ZDHHC14: variants seen among roughly 807,000 people sequenced by gnomAD.
ZDHHC14 encodes zDHHC palmitoyltransferase 14.
Under a neutral mutation model 47.7 loss-of-function variants are expected in ZDHHC14, and 16 were observed. The ratio of observed to expected loss-of-function variants is 0.34; its 90% confidence interval spans 0.23 to 0.51. ZDHHC14 has a LOEUF of 0.51. Among genes scored for constraint, ZDHHC14 ranks in the 20% least tolerant of loss-of-function variants. The pLI, the probability that ZDHHC14 is intolerant of heterozygous loss-of-function variation, is 0.97. For synonymous variants in ZDHHC14, 293 were observed against 278.9 expected, an observed-to-expected ratio of 1.05 and a Z score of -0.50; for missense variants, 515 against 662.5, an observed-to-expected ratio of 0.78 and a Z score of 2.44.
At chr6:157,574,714 C>T (rs1381793907) in intron 2 of ZDHHC14, among the ~76,000 whole-genome samples, 1 of 152,214 alleles carries the variant, frequency 6.6e-6, no homozygotes, top group Non-Finnish European at 1.5e-5. Flanking sequence ...TGGAATGTAT[C>T]TACTTCTCTC....
chr6:157,464,912 C>T (rs891475487), intron 1 of ZDHHC14, among the ~76,000 whole-genome samples: 7 of 152,132 alleles, frequency 4.6e-5, no homozygotes, highest in Non-Finnish European at 8.8e-5. Flanking sequence ...GTGGCTTCGT[C>T]GCAGCAGGGT....
chr6:157,464,853 ATC>A (rs1408048280), intron 1 of ZDHHC14, among the ~76,000 whole-genome samples: 3 of 152,040 alleles, frequency 2.0e-5, no homozygotes, highest in Middle Eastern at 6.8e-3. Flanking sequence ...TCCCTCACAA[ATC>A]TCTCTCGTAC....
chr6:157,439,471 A>G (rs4708804), intron 1 of ZDHHC14, among the ~76,000 whole-genome samples: 108,265 of 152,042 alleles, frequency 0.71, 38,554 homozygotes, highest in Middle Eastern at 0.77. Flanking sequence ...ACCATCTCAC[A>G]CCAGTCAGAA....
chr6:157,639,663 C>A (rs529346677), intron 5 of ZDHHC14, among the ~76,000 whole-genome samples: 1 of 152,210 alleles, frequency 6.6e-6, no homozygotes, highest in African/African-American at 2.4e-5. Context: ...AGAGGAAAGG[C>A]CCCCACGGGG....
chr6:157,669,691 G>A (rs896426772), intron 8 of ZDHHC14, among the ~76,000 whole-genome samples: 2 of 152,266 alleles, frequency 1.3e-5, no homozygotes, highest in African/African-American at 4.8e-5. Flanking sequence ...GAGCCAGGGG[G>A]TATTGTGTGG....
At chr6:157,461,604 C>T (rs1224505951) in intron 1 of ZDHHC14, among the ~76,000 whole-genome samples, 1 of 152,216 alleles carries the variant, frequency 6.6e-6, no homozygotes, top group Non-Finnish European at 1.5e-5. Context: ...ACAGCAGCTA[C>T]ACCTTGGGTT....
intron 3 of ZDHHC14, among the ~76,000 whole-genome samples, chr6:157,625,267 G>A (rs1188556980): frequency 3.3e-5 from 5 of 152,150 alleles, no homozygotes; most frequent in African/African-American, 9.7e-5. Context: ...GAGAAAGGGC[G>A]GGGTCAGGAA....
chr6:157,410,736 C>T (rs377481177), intron 1 of ZDHHC14, among the ~76,000 whole-genome samples: 4 of 152,054 alleles, frequency 2.6e-5, no homozygotes, highest in African/African-American at 7.2e-5. Context: ...CTCACTCTGC[C>T]GCCTGGCTAG....
At position 157,382,203 on chromosome 6, in the gene ZDHHC14, C is replaced by T; in HGVS notation, c.182C>T (p.Thr61Met). 2 of 1,613,666 alleles carry T rather than the reference C, an allele frequency of 1.2e-6. No homozygotes were observed. Among genetic ancestry groups the T allele is most frequent in the South Asian group, 1.1e-5 (1 of 91,068 alleles). Reference protein sequence around the residue: ...CNGRIMMARQTGVFYLTLVLI... With the variant: ...CNGRIMMARQMGVFYLTLVLI... ...GGGAGGATCATGATGGCCCGGCAGA[C>T]GGGCGTCTTCTACCTGACGCTCGTC... The change falls in exon 1 of 9, where the codon ACG becomes ATG. Residue 61 changes from threonine (T) to methionine (M), a missense_variant. Physicochemically the swap from Thr to Met is moderately conservative, Grantham distance 81. Coordinates refer to ENST00000359775, the MANE Select transcript of ZDHHC14 (RefSeq NM_024630.3).
intron 1 of ZDHHC14, among the ~76,000 whole-genome samples, chr6:157,500,427 C>T (rs1583713776): frequency 6.6e-6 from 1 of 152,100 alleles, no homozygotes; most frequent in East Asian, 1.9e-4. Context: ...TAAAAGATTA[C>T]TCTAGCTGCT....
chr6:157,655,401 G>A (rs1778040046), intron 8 of ZDHHC14, among the ~76,000 whole-genome samples: 1 of 152,128 alleles, frequency 6.6e-6, no homozygotes, highest in African/African-American at 2.4e-5. Flanking sequence ...AACTAGCCTG[G>A]CGACTCCAGT....
intron 3 of ZDHHC14, among the ~76,000 whole-genome samples, chr6:157,603,836 C>A (rs9365161): frequency 1.3e-5 from 2 of 151,636 alleles, no homozygotes; most frequent in African/African-American, 4.9e-5. Context: ...ATGCAGTATC[C>A]CTTACAACCT....
chr6:157,660,026 A>G (rs888808215), intron 8 of ZDHHC14, among the ~76,000 whole-genome samples: 5 of 152,100 alleles, frequency 3.3e-5, no homozygotes, highest in South Asian at 4.2e-4. Flanking sequence ...GCTAATATTG[A>G]TACTATCATT....
chr6:157,571,974 G>A (rs1468382910), intron 2 of ZDHHC14, among the ~76,000 whole-genome samples: 1 of 152,028 alleles, frequency 6.6e-6, no homozygotes, highest in Non-Finnish European at 1.5e-5. Flanking sequence ...TTCAGGGTGG[G>A]AGGGTGTGTG....
At chr6:157,458,321 G>A (rs992995920) in intron 1 of ZDHHC14, among the ~76,000 whole-genome samples, 29 of 152,208 alleles carry the variant, frequency 1.9e-4, no homozygotes, top group African/African-American at 6.8e-4. Context: ...AGAGCAGAGA[G>A]TGTTGCAGTT....
At chr6:157,645,989 C>G in intron 6 of ZDHHC14, 150 bp downstream of exon 6, 1 of 625,464 alleles carries the variant, frequency 1.6e-6, no homozygotes, top group South Asian at 2.1e-5. Context: ...GTGGAAACTT[C>G]TCCACCTGCC....
rs905784667 is a variant in ZDHHC14 at position 157,439,075 on chromosome 6, C to T, written c.245+56809C>T. 3.3e-5 allele frequency among the ~76,000 whole-genome samples: 5 copies of T among 152,300 alleles called. No individual in the cohort carries two copies. The Middle Eastern group carries it at 0.01, about 311-fold the overall frequency. On this transcript the variant is annotated intron_variant, in intron 1 of 8. Coordinates refer to ENST00000359775, the MANE Select transcript of ZDHHC14 (RefSeq NM_024630.3). ...CAACTTTTAAAAAAGTACCCTGTCACTTGGGTTTGGTACAGTTCCCCATCC... is the reference window on the plus strand; with the variant it reads ...CAACTTTTAAAAAAGTACCCTGTCATTTGGGTTTGGTACAGTTCCCCATCC...
chr6:157,670,222 G>A (rs1333085380), intron 8 of ZDHHC14, among the ~76,000 whole-genome samples: 1 of 152,190 alleles, frequency 6.6e-6, no homozygotes, highest in Non-Finnish European at 1.5e-5. Flanking sequence ...GCACCGCCGT[G>A]GCACAAATGA....
intron 1 of ZDHHC14, among the ~76,000 whole-genome samples, chr6:157,521,190 G>T (rs987173826): frequency 6.6e-6 from 1 of 152,166 alleles, no homozygotes; most frequent in African/African-American, 2.4e-5. Flanking sequence ...GCAGAATCAG[G>T]AGTCCACACT....
Sources: allele counts gnomAD v4.1 joint callset (sites outside exome capture counted in the v4.1 genomes callset), GRCh38; gene constraint gnomAD v4.1.1; transcripts MANE v1.5; gene names NCBI Gene and HGNC (gene_info 2026-07-23, HGNC 2026-07-21).